The following TLDC2 variants were observed in gnomAD, a reference collection of about 807,000 sequenced individuals.
TLDC2 encodes the protein TBC/LysM-associated domain containing 2, also known as TLD domain-containing protein 2.
In TLDC2, 23 loss-of-function variants were observed where a neutral mutation model predicts 27.9. That is an observed-to-expected ratio of 0.82 (90% CI 0.59 to 1.17). The LOEUF (loss-of-function observed/expected upper bound fraction) is 1.17. Ranked by LOEUF, TLDC2 falls within the 50% of genes most tolerant of loss-of-function variation. The pLI, the probability that TLDC2 is intolerant of heterozygous loss-of-function variation, is 0.00. For synonymous variants in TLDC2, 124 were observed against 107.4 expected (o/e 1.16, Z -0.96); for missense variants, 286 against 273.4 (o/e 1.05, Z -0.32).
At chr20:36,881,728 G>A (rs1456386691) in intron 4 of TLDC2, among the ~76,000 whole-genome samples, 1 of 152,192 alleles carries the variant, frequency 6.6e-6, no homozygotes, top group Non-Finnish European at 1.5e-5. Flanking sequence ...CAGGAGGGGA[G>A]GGGAGAGAAG....
Position 36,879,117 on chromosome 20 carries a change from G to C in TLDC2, c.266G>C (p.Ser89Thr), listed in dbSNP as rs1989742265. Residue 89 changes from serine to threonine, a missense_variant, in exon 3 of 7, where the codon AGC becomes ACC. Ser to Thr is a moderately conservative substitution (Grantham distance 58). Coordinates refer to ENST00000217320, the MANE Select transcript of TLDC2 (RefSeq NM_080628.3). ...TTCTGCACGTCAAGGGACGGTTTCA[G>C]CCTGCAGAGCCTGTACCGGCGGATG... ...LVFCTSRDGF[S>T]LQSLYRRMEG... The C allele has an allele frequency of 6.2e-7, 1 of 1,614,166 alleles. No homozygotes were observed. Among genetic ancestry groups the C allele is most frequent in the Non-Finnish European group, 8.5e-7 (1 of 1,180,024 alleles).
intron 2 of TLDC2, 104 bp downstream of exon 2, chr20:36,878,158 C>A: frequency 2.3e-6 from 3 of 1,311,540 alleles, no homozygotes; most frequent in South Asian, 1.5e-5. Flanking sequence ...GTCACTCTTG[C>A]TCTGTTCTCA....
At chr20:36,883,622 CA>C (rs1297650426) in intron 4 of TLDC2, among the ~76,000 whole-genome samples, 3 of 152,148 alleles carry the variant, frequency 2.0e-5, no homozygotes, top group Non-Finnish European at 4.4e-5. Flanking sequence ...GAGCTGTCAG[CA>C]AATCCTGACA....
chr20:36,878,976 A>C, intron 2 of TLDC2, 65 bp from the exon 3 acceptor site: 1 of 1,612,044 alleles, frequency 6.2e-7, no homozygotes, highest in Non-Finnish European at 8.5e-7. Flanking sequence ...GTCCAAGCCC[A>C]CCCCCAGGAT....
chr20:36,882,141 T>G (rs1334060391), intron 4 of TLDC2, among the ~76,000 whole-genome samples: 1 of 152,136 alleles, frequency 6.6e-6, no homozygotes, highest in African/African-American at 2.4e-5. Context: ...GTGAGAATAA[T>G]AGTCCCAAAC....
At chr20:36,888,665 C>T (rs1281143963) in intron 5 of TLDC2, among the ~76,000 whole-genome samples, 1 of 132,450 alleles carries the variant, frequency 7.6e-6, no homozygotes, top group African/African-American at 2.8e-5. Flanking sequence ...AAGATCGCGC[C>T]ATTGCACTCC....
intron 1 of TLDC2, among the ~76,000 whole-genome samples, chr20:36,876,897 T>C (rs1350656828): frequency 6.6e-6 from 1 of 151,986 alleles, no homozygotes; most frequent in Non-Finnish European, 1.5e-5. Context: ...TAAACACAAA[T>C]TTACACTCAA....
intron 1 of TLDC2, among the ~76,000 whole-genome samples, chr20:36,876,936 A>G (rs564432849): frequency 6.6e-6 from 1 of 152,236 alleles, no homozygotes; most frequent in Admixed American, 6.5e-5. Flanking sequence ...TGCCTACACA[A>G]CTCTATTCCA....
rs565277221 is a variant in TLDC2 at position 36,894,017 on chromosome 20, G to C, written c.*1173G>C. 1 of 398,262 alleles carries C rather than the reference G, an allele frequency of 2.5e-6. No homozygotes were observed. Among genetic ancestry groups the C allele is most frequent in the Non-Finnish European group, 4.4e-6 (1 of 225,926 alleles). 24.7% of individuals were successfully genotyped at this position (398,262 alleles called of 1,614,324 possible). A position where few individuals can be genotyped will look rare whatever the true frequency, so the allele number is the denominator to read the frequency against. On this transcript the variant is annotated 3_prime_UTR_variant, in exon 7 of 7. Coordinates refer to ENST00000217320, the MANE Select transcript of TLDC2 (RefSeq NM_080628.3). The stretch of plus-strand genomic sequence containing the variant: ...CGGCAGTGGCAGTGACTATTCTGTG[G>C]TTCTAGCTTTTGCAGGTGGCCCCAG...
At chr20:36,883,134 C>T (rs1401020880) in intron 4 of TLDC2, among the ~76,000 whole-genome samples, 1 of 151,164 alleles carries the variant, frequency 6.6e-6, no homozygotes, top group Non-Finnish European at 1.5e-5. Flanking sequence ...TCAAACATGG[C>T]GTTTCTTTTT....
At position 36,878,016 on chromosome 20, in the gene TLDC2, G is replaced by T. The variant is rs763435552; in HGVS notation, c.151G>T (p.Glu51Ter). 1 of 1,613,986 alleles carries T rather than the reference G, an allele frequency of 6.2e-7. No homozygotes were observed. The highest frequency in any genetic ancestry group is 8.5e-7 in the Non-Finnish European group (1 of 1,179,990). The change falls in exon 2 of 7, where the codon GAA (glutamate) becomes TAA (stop). Residue 51 changes from glutamate (E) to a stop codon, truncating the protein, a stop_gained. Coordinates refer to ENST00000217320, the MANE Select transcript of TLDC2 (RefSeq NM_080628.3). LOFTEE classifies it high-confidence loss of function. Reference protein sequence around the residue: ...PEDPTVPQLTEASQVLSASEI... With the variant: ...PEDPTVPQLT ...GGATCCCACGGTGCCCCAGCTGACA[G>T]AAGCCAGCCAGGTTTTGAGTGCCTC...
At chr20:36,882,603 G>A (rs1989839570) in intron 4 of TLDC2, among the ~76,000 whole-genome samples, 1 of 152,170 alleles carries the variant, frequency 6.6e-6, no homozygotes, top group Non-Finnish European at 1.5e-5. Flanking sequence ...TCTCTCCAAT[G>A]CACAGACTAA....
chr20:36,877,873 C>T lies in TLDC2; in HGVS notation c.34-26C>T, dbSNP rs888999037. On this transcript the variant is annotated intron_variant, in intron 1 of 6. Coordinates refer to ENST00000217320, the MANE Select transcript of TLDC2 (RefSeq NM_080628.3). ...AGCTGGGACCTCCTGTCCCTGGACA[C>T]ACCAGGCCACTTTGTGTTTTTGCAG... is the stretch of plus-strand genomic sequence containing the variant. 10 of 1,603,658 alleles carry T rather than the reference C, an allele frequency of 6.2e-6. No individual in the cohort carries two copies. In the Admixed American group the frequency reaches 6.8e-5, roughly 11 times the overall value.
chr20:36,887,235 C>T (rs570262193), intron 4 of TLDC2, among the ~76,000 whole-genome samples: 1 of 152,192 alleles, frequency 6.6e-6, no homozygotes, highest in African/African-American at 2.4e-5. Flanking sequence ...AAAGAGGCTT[C>T]TAGGCTGTAG....
At chr20:36,890,970 T>C (rs1276065497) in intron 6 of TLDC2, 1 of 152,152 alleles carries the variant, frequency 6.6e-6, no homozygotes, top group Non-Finnish European at 1.5e-5. Context: ...AAAGGTAAGA[T>C]ACACAGAAAT....
rs569383036 is a variant in TLDC2 at position 36,883,873 on chromosome 20, C to T, written c.438+3123C>T. Among the ~76,000 whole-genome samples the T allele has an allele frequency of 1.1e-4, 17 of 152,268 alleles. No individual in the cohort carries two copies. In the South Asian group the frequency reaches 3.5e-3, roughly 32 times the overall value. ...CTTTGGGAGGCCGAGGCAGGTAGAT[C>T]ACTTGAGGTCAGGAGTTTGAGACCC... On this transcript the variant is annotated intron_variant, in intron 4 of 6. Coordinates refer to ENST00000217320, the MANE Select transcript of TLDC2 (RefSeq NM_080628.3).
Position 36,893,258 on chromosome 20 carries a change from C to A in TLDC2, c.*414C>A. The A allele has an allele frequency of 1.5e-6, 1 of 659,022 alleles. No homozygotes were observed. Among genetic ancestry groups the A allele is most frequent in the Non-Finnish European group, 2.6e-6 (1 of 385,936 alleles). 40.8% of individuals were successfully genotyped at this position (659,022 alleles called of 1,614,324 possible). On this transcript the variant is annotated 3_prime_UTR_variant, in exon 7 of 7. Coordinates refer to ENST00000217320, the MANE Select transcript of TLDC2 (RefSeq NM_080628.3). ...AAATTAGAAACACTACAGTCTTACG[C>A]AGGAAGAGCCTTCATGAAAACAGCC...
At chr20:36,884,741 G>A (rs1410678393) in intron 4 of TLDC2, among the ~76,000 whole-genome samples, 1 of 149,396 alleles carries the variant, frequency 6.7e-6, no homozygotes, top group African/African-American at 2.5e-5. Context: ...CAACCTGGAC[G>A]ACAGAGCAAG....
chr20:36,883,240 G>T (rs1457212667), intron 4 of TLDC2, among the ~76,000 whole-genome samples: 1 of 151,306 alleles, frequency 6.6e-6, no homozygotes, highest in Non-Finnish European at 1.5e-5. Context: ...GGGCTCAATT[G>T]ATCCTCCTGC....
Sources: gnomAD v4.1 joint callset for allele counts (sites outside exome capture counted in the v4.1 genomes callset) on GRCh38, gnomAD v4.1.1 for gene constraint, MANE v1.5 for transcripts, NCBI Gene and HGNC (gene_info 2026-07-23, HGNC 2026-07-21) for gene names.